Variants in UNC13C observed in about 807,000 individuals in gnomAD.
UNC13C encodes the protein protein unc-13 homolog C.
A neutral mutation model predicts 245.4 loss-of-function variants in UNC13C; 174 were observed. That is an observed-to-expected ratio of 0.71 (90% CI 0.63 to 0.80). The LOEUF (loss-of-function observed/expected upper bound fraction) is 0.80. UNC13C is among the 30% of genes least tolerant of loss of function. UNC13C has a pLI of 0.00. For missense variants in UNC13C, 2,829 were observed against 2,602.9 expected (o/e 1.09, Z -1.89); for synonymous variants, 992 against 895.1 (o/e 1.11, Z -1.93).
chr15:54,311,826 A>G (rs12440606), intron 13 of UNC13C, among the ~76,000 whole-genome samples: 35,062 of 151,666 alleles, frequency 0.23, 4,321 homozygotes, highest in Admixed American at 0.29. Flanking sequence ...TTAAAACATT[A>G]TAGGTTATAC....
chr15:54,268,933 A>G (rs946529426), intron 10 of UNC13C, among the ~76,000 whole-genome samples: 3 of 151,334 alleles, frequency 2.0e-5, no homozygotes, highest in African/African-American at 2.4e-5. Context: ...CAGCTCTTTT[A>G]TTTTTGATAT....
At chr15:54,608,828 T>C (rs941230930) in intron 30 of UNC13C, among the ~76,000 whole-genome samples, 3 of 152,244 alleles carry the variant, frequency 2.0e-5, no homozygotes, top group South Asian at 2.1e-4. Context: ...TTACAGTTCC[T>C]TATCTTGCTA....
intron 2 of UNC13C, among the ~76,000 whole-genome samples, chr15:54,036,408 A>C (rs893165903): frequency 2.0e-5 from 3 of 152,200 alleles, no homozygotes; most frequent in African/African-American, 7.2e-5. Flanking sequence ...TTTACGGAGA[A>C]AGAAACTGAG....
intron 2 of UNC13C, among the ~76,000 whole-genome samples, chr15:54,068,591 G>A (rs1898176882): frequency 6.6e-6 from 1 of 152,174 alleles, no homozygotes. Flanking sequence ...TACGAAAGAA[G>A]TCTGCCAAAC....
chr15:54,144,564 A>G (rs930409392), intron 4 of UNC13C, among the ~76,000 whole-genome samples: 4 of 152,344 alleles, frequency 2.6e-5, no homozygotes, highest in African/African-American at 9.6e-5. Context: ...AGTGAGTGAC[A>G]AAGTCAGTAT....
chr15:54,197,388 A>C (rs2034389226), intron 4 of UNC13C, among the ~76,000 whole-genome samples: 1 of 151,832 alleles, frequency 6.6e-6, no homozygotes, highest in South Asian at 2.1e-4. Flanking sequence ...ACTTGAACCC[A>C]GGAGGCGGAG....
intron 19 of UNC13C, among the ~76,000 whole-genome samples, chr15:54,418,625 T>A (rs1596347892): frequency 6.6e-6 from 1 of 152,002 alleles, no homozygotes; most frequent in East Asian, 1.9e-4. Context: ...GAAATCACAA[T>A]AAGGAAATAA....
At chr15:53,940,431 A>G in the UNC13C span, among the ~76,000 whole-genome samples, 3 of 152,264 alleles carry the variant, frequency 2.0e-5, no homozygotes, top group African/African-American at 7.2e-5. Context: ...CTCTCCCACC[A>G]TTCCTATACA....
At position 54,048,727 on chromosome 15, in the gene UNC13C, C is replaced by G. The variant is rs1449100875; in HGVS notation, c.2983+32841C>G. The stretch of plus-strand genomic sequence containing the variant: ...TCATCTTCCCATTTTGAACTGCCTC[C>G]ATATTCAGGGAGAATAACAGGATAT... On this transcript the variant is annotated intron_variant, in intron 2 of 32. Coordinates refer to ENST00000260323, the MANE Select transcript of UNC13C (RefSeq NM_001080534.3). 4.3e-5 allele frequency: 12 copies of G among 280,682 alleles called. No homozygotes were observed. In the Admixed American group the frequency reaches 5.0e-4, roughly 12 times the overall value. The allele number at this position is 280,682 out of a possible 1,614,324, so 17.4% of individuals were successfully genotyped here. A position where few individuals can be genotyped will look rare whatever the true frequency, so the allele number is the denominator to read the frequency against.
At chr15:54,602,087 A>G (rs1239427174) in intron 30 of UNC13C, among the ~76,000 whole-genome samples, 1 of 152,142 alleles carries the variant, frequency 6.6e-6, no homozygotes, top group Non-Finnish European at 1.5e-5. Flanking sequence ...GAACAGGCAA[A>G]TATTTCTTCA....
chr15:54,266,371 C>G (rs772671069), intron 10 of UNC13C, among the ~76,000 whole-genome samples: 1 of 152,024 alleles, frequency 6.6e-6, no homozygotes. Flanking sequence ...TTTCTCCCTT[C>G]AGAGTTCTGG....
rs79680601 is a variant in UNC13C at position 54,464,804 on chromosome 15, C to T, written c.4934-29804C>T. 5.4e-4 allele frequency among the ~76,000 whole-genome samples: 81 copies of T among 151,388 alleles called. No homozygotes were observed. The East Asian group carries it at 0.015, about 27-fold the overall frequency. On this transcript the variant is annotated intron_variant, in intron 19 of 32. Transcript: ENST00000260323. ...CATGTTTATTGACTATTCTCCTGGC[C>T]AGTAAAAGGTATTAAGGACTTACAA...
the UNC13C span, among the ~76,000 whole-genome samples, chr15:53,943,883 T>C: frequency 6.6e-6 from 1 of 152,230 alleles, no homozygotes; most frequent in East Asian, 1.9e-4. Context: ...AAGTATCTGG[T>C]AATTTTTTTT....
chr15:54,595,981 G>T (rs1566930174), intron 30 of UNC13C, among the ~76,000 whole-genome samples: 1 of 152,006 alleles, frequency 6.6e-6, no homozygotes, highest in Non-Finnish European at 1.5e-5. Flanking sequence ...ATATGAAAAT[G>T]CCTTTAAGAA....
chr15:54,589,970 A>T (rs983206786), intron 30 of UNC13C, among the ~76,000 whole-genome samples: 29 of 152,162 alleles, frequency 1.9e-4, no homozygotes, highest in Non-Finnish European at 4.1e-4. Context: ...TTTGTATAAG[A>T]TGAGAGATGA....
At chr15:54,391,373 C>A (rs1596317884) in intron 17 of UNC13C, among the ~76,000 whole-genome samples, 1 of 151,898 alleles carries the variant, frequency 6.6e-6, no homozygotes, top group Non-Finnish European at 1.5e-5. Context: ...ATATAATGCA[C>A]AAATAATTAC....
intron 10 of UNC13C, among the ~76,000 whole-genome samples, chr15:54,286,831 G>A (rs903470042): frequency 6.6e-6 from 1 of 151,916 alleles, no homozygotes; most frequent in African/African-American, 2.4e-5. Flanking sequence ...ATAATACTGA[G>A]GCCAGAAAAG....
At chr15:54,092,274 C>T (rs568405056) in intron 2 of UNC13C, among the ~76,000 whole-genome samples, 1 of 152,218 alleles carries the variant, frequency 6.6e-6, no homozygotes, top group South Asian at 2.1e-4. Flanking sequence ...TTTATTTTTA[C>T]TGTGAGCTTC....
At chr15:53,976,181 G>C (rs2140939130), upstream of UNC13C, among the ~76,000 whole-genome samples, 1 of 152,284 alleles carries the variant, frequency 6.6e-6, no homozygotes, top group Non-Finnish European at 1.5e-5. Context: ...AGCAGCCAGA[G>C]TCCCTCACAT....
Sources: allele counts gnomAD v4.1 joint callset (sites outside exome capture counted in the v4.1 genomes callset), GRCh38; gene constraint gnomAD v4.1.1; transcripts MANE v1.5; gene names NCBI Gene and HGNC (gene_info 2026-07-23, HGNC 2026-07-21).